Variants in SLC44A2 observed in about 807,000 individuals in gnomAD.
SLC44A2 encodes choline transporter-like protein 2.
In SLC44A2, 57 loss-of-function variants were observed where a neutral mutation model predicts 90.8. The ratio of observed to expected loss-of-function variants is 0.63; its 90% CI spans 0.51 to 0.78. SLC44A2 has a LOEUF of 0.78. Among genes scored for constraint, SLC44A2 ranks in the 30% least tolerant of loss-of-function variants. The probability of loss-of-function intolerance (pLI) is 0.00; values close to 1 mark genes in which losing one functional copy is unlikely to be tolerated. For synonymous variants in SLC44A2, 355 were observed against 360.7 expected (o/e 0.98, Z 0.18); for missense variants, 794 against 919.7 (o/e 0.86, Z 1.77).
chr19:10,617,649 TC>T (rs1281959277), intron 1 of SLC44A2, among the ~76,000 whole-genome samples: 1 of 152,136 alleles, frequency 6.6e-6, no homozygotes, highest in African/African-American at 2.4e-5. Context: ...CCTCCATGGC[TC>T]CCACGTACTC....
chr19:10,631,508 C>A lies in SLC44A2; in HGVS notation c.475C>A (p.Pro159Thr). 6.2e-7 allele frequency: 1 copy of A among 1,614,028 alleles called. No individual in the cohort carries two copies. The highest frequency in any genetic ancestry group is 1.7e-5 in the Admixed American group (1 of 60,002). ...VAEVLQDGDCPAVLIPSKPLA... is the reference protein window; with the variant it reads ...VAEVLQDGDCTAVLIPSKPLA... ...TGAGGTGCTTCAAGATGGTGACTGC[C>A]CTGCTGTCCTCATCCCCAGCAAACC... is the stretch of plus-strand genomic sequence containing the variant. Residue 159 changes from proline (P) to threonine (T), a missense_variant, in exon 7 of 22, where the codon CCT (proline) becomes ACT (threonine). Coordinates refer to ENST00000335757, the MANE Select transcript of SLC44A2 (RefSeq NM_020428.4).
At chr19:10,611,120 C>A (rs930599838) in intron 1 of SLC44A2, among the ~76,000 whole-genome samples, 1 of 152,106 alleles carries the variant, frequency 6.6e-6, no homozygotes. Flanking sequence ...GGACTATAGG[C>A]ATGTGCCTCT....
intron 1 of SLC44A2, among the ~76,000 whole-genome samples, chr19:10,615,432 G>A (rs1347296789): frequency 1.3e-5 from 2 of 152,114 alleles, no homozygotes; most frequent in Non-Finnish European, 2.9e-5. Context: ...AAATTAGCCA[G>A]GCATGGTGGC....
intron 5 of SLC44A2, 23 bp from the exon 6 acceptor site, chr19:10,631,252 A>G (rs757875671): frequency 2.5e-6 from 4 of 1,612,406 alleles, no homozygotes; most frequent in Non-Finnish European, 3.4e-6. Flanking sequence ...ACTCCACCCA[A>G]TCCCTTCCTT....
At chr19:10,607,517 ATTT>A (rs61695650) in intron 1 of SLC44A2, among the ~76,000 whole-genome samples, 17 of 127,362 alleles carry the variant, frequency 1.3e-4, no homozygotes, top group Admixed American at 3.2e-4. Flanking sequence ...TACTCAACTA[ATTT>A]TTTTTTTTTT....
In SLC44A2 at chr19:10,643,337, C is replaced by T; in HGVS notation, c.2073C>T (p.Thr691=). The part of the protein sequence containing the change: ...SAERPYFMSS[T]LKKLLNKTNK... ...AGAGGCCTTACTTCATGTCTTCCAC[C>T]CTCAAGAAACTCTTGAACAAGACCA... is the stretch of plus-strand genomic sequence containing the variant. Residue 691 remains threonine, a synonymous_variant, in exon 22 of 22, where the codon ACC becomes ACT. Coordinates refer to ENST00000335757, the MANE Select transcript of SLC44A2 (RefSeq NM_020428.4). 6.2e-7 allele frequency: 1 copy of T among 1,612,928 alleles called. No homozygotes were observed. The highest frequency in any genetic ancestry group is 2.2e-5 in the East Asian group (1 of 44,856).
chr19:10,632,264 T>TGAGCCACCACGCCC, intron 10 of SLC44A2, 108 bp downstream of exon 10: 1 of 988,480 alleles, frequency 1.0e-6, no homozygotes, highest in Non-Finnish European at 1.6e-6. Flanking sequence ...AGGCCGGGCG[T>TGAGCCACCACGCCC]GGTGGCTCAC....
At chr19:10,620,860 C>A (rs147963203), upstream of SLC44A2, among the ~76,000 whole-genome samples, 377 of 151,958 alleles carry the variant, frequency 2.5e-3, 2 homozygotes, top group African/African-American at 8.8e-3. Flanking sequence ...GGCAACATAG[C>A]GAGACACTGG....
chr19:10,605,766 G>A lies in SLC44A2; in HGVS notation c.31+3205G>A, dbSNP rs532335910. Among the ~76,000 whole-genome samples, 219 of 152,086 alleles carry A rather than the reference G, an allele frequency of 1.4e-3. 1 individual carries two copies. Among genetic ancestry groups the A allele is most frequent in the Non-Finnish European group, 1.6e-3 (109 of 67,996 alleles). ...CCCAGCACTTTGAGAGGCTGAGGTG[G>A]GTGGGTCACTTGAGGTCAGGAGATC... is the stretch of plus-strand genomic sequence containing the variant. On this transcript the variant is annotated intron_variant, in intron 1 of 21. Coordinates refer to the SLC44A2 transcript ENST00000407327.
intron 21 of SLC44A2, 103 bp downstream of exon 21, chr19:10,642,554 C>A: frequency 9.0e-7 from 1 of 1,110,314 alleles, no homozygotes; most frequent in East Asian, 2.4e-5. Flanking sequence ...CTGCCCCCAG[C>A]TTCCCCAGGG....
Position 10,635,193 on chromosome 19 carries a change from C to G in SLC44A2, c.1086C>G (p.Leu362=), listed in dbSNP as rs114883380. The G allele has an allele frequency of 1.2e-5, 19 of 1,614,036 alleles. No homozygotes were observed. The highest frequency in any genetic ancestry group is 2.2e-5 in the East Asian group (1 of 44,880). Residue 362 remains leucine (L), a synonymous_variant, in exon 13 of 22, where the codon CTC becomes CTG. Transcript: ENST00000335757. ...TGGGATACGTCATGTGCTCCTTGCT[C>G]TACCCACTGGTCACCTTCTTCTTGC... ...RAVGYVMCSL[L]YPLVTFFLLC...
intron 4 of SLC44A2, among the ~76,000 whole-genome samples, chr19:10,630,078 A>G (rs1192373728): frequency 5.9e-5 from 9 of 152,186 alleles, no homozygotes; most frequent in Admixed American, 5.2e-4. Flanking sequence ...TAAAGGAAAC[A>G]ATAGGCCGGG....
At chr19:10,618,751 T>G (rs1266643827) in intron 1 of SLC44A2, among the ~76,000 whole-genome samples, 2 of 151,884 alleles carry the variant, frequency 1.3e-5, no homozygotes, top group African/African-American at 4.8e-5. Flanking sequence ...TTTTGTGTAT[T>G]TTAGTAGAGG....
chr19:10,603,423 G>A (rs1275956176), intron 1 of SLC44A2, among the ~76,000 whole-genome samples: 2 of 152,220 alleles, frequency 1.3e-5, no homozygotes, highest in Non-Finnish European at 2.9e-5. Context: ...GGGCAAAGAA[G>A]CACTGTCGCG....
intron 4 of SLC44A2, among the ~76,000 whole-genome samples, chr19:10,629,754 A>T (rs566789701): frequency 3.3e-4 from 49 of 150,762 alleles, no homozygotes; most frequent in African/African-American, 1.2e-3. Context: ...CCTATATAAG[A>T]TATCTTTTTT....
Position 10,635,528 on chromosome 19 carries a change from G to A in SLC44A2, c.1233+13G>A, listed in dbSNP as rs775330809. On this transcript the variant is annotated intron_variant, in intron 14 of 21. Transcript: ENST00000335757. ...CTGCAACCCAGAGGTGGGCGTCCCC[G>A]GGGTGGGGAGGGCAGGTATTGCCCC... The A allele has an allele frequency of 9.9e-6, 16 of 1,608,636 alleles. No homozygotes were observed. The highest frequency in any genetic ancestry group is 2.2e-5 in the East Asian group (1 of 44,864).
At chr19:10,606,485 G>A (rs1039793432) in intron 1 of SLC44A2, among the ~76,000 whole-genome samples, 5 of 151,762 alleles carry the variant, frequency 3.3e-5, no homozygotes, top group Non-Finnish European at 5.9e-5. Context: ...AGACCAGCCT[G>A]ACCAACATGG....
rs1300838070 is a variant in SLC44A2 at position 10,628,018 on chromosome 19, T to C, written c.245+14T>C. 6.2e-7 allele frequency: 1 copy of C among 1,608,370 alleles called. No individual in the cohort carries two copies. Among genetic ancestry groups the C allele is most frequent in the Admixed American group, 1.7e-5 (1 of 59,152 alleles). On this transcript the variant is annotated intron_variant, in intron 4 of 21. Transcript: ENST00000335757. ...CACAAAAAACGAGTGAGTTGACTCC[T>C]TGCGGCCTGGTGGGGCTGGGGAAGA...
intron 20 of SLC44A2, among the ~76,000 whole-genome samples, chr19:10,640,310 C>T (rs555624827): frequency 4.1e-4 from 63 of 152,092 alleles, no homozygotes; most frequent in Admixed American, 7.9e-4. Flanking sequence ...AGGCTGGTCT[C>T]GAACTCCTGA....
Sources: allele counts gnomAD v4.1 joint callset (sites outside exome capture counted in the v4.1 genomes callset), GRCh38; gene constraint gnomAD v4.1.1; transcripts MANE v1.5; gene names NCBI Gene and HGNC (gene_info 2026-07-23, HGNC 2026-07-21).